Variants in ATAD2 observed in about 807,000 individuals in gnomAD.
ATAD2 encodes ATPase family AAA domain containing 2.
Under a neutral mutation model 168.9 loss-of-function variants are expected in ATAD2, and 62 were observed. The ratio of observed to expected loss-of-function variants is 0.37; its 90% confidence interval spans 0.30 to 0.45. ATAD2 has a LOEUF of 0.45. Ranked by LOEUF, ATAD2 falls within the 20% of genes least tolerant of loss-of-function variation. The pLI is 1.00. For missense variants in ATAD2, 1,419 were observed against 1,667.8 expected (o/e 0.85, Z 2.60); for synonymous variants, 613 against 571.6 (o/e 1.07, Z -1.03).
chr8:123,375,983 G>A (rs1022310003), intron 2 of ATAD2, among the ~76,000 whole-genome samples: 1 of 152,134 alleles, frequency 6.6e-6, no homozygotes, highest in African/African-American at 2.4e-5. Flanking sequence ...GCGGGCACCT[G>A]TAATCCCAGC....
intron 2 of ATAD2, among the ~76,000 whole-genome samples, chr8:123,376,134 A>C (rs1023423934): frequency 1.3e-5 from 2 of 151,248 alleles, no homozygotes; most frequent in African/African-American, 4.9e-5. Context: ...GGCTGGGTGC[A>C]GTAGCTCATG....
chr8:123,338,336 CAGAG>C (rs1374960225), intron 20 of ATAD2, among the ~76,000 whole-genome samples: 1 of 145,006 alleles, frequency 6.9e-6, no homozygotes, highest in Admixed American at 7.1e-5. Context: ...GCCTGGGTGA[CAGAG>C]AGAGACTCCG....
chr8:123,372,749 G>A (rs1829185237), intron 2 of ATAD2, 63 bp from the exon 3 acceptor site: 4 of 1,355,484 alleles, frequency 3.0e-6, no homozygotes, highest in Non-Finnish European at 4.0e-6. Flanking sequence ...TATTTATTTA[G>A]ATGGGATTGC....
chr8:123,382,552 C>G (rs1028990208), intron 1 of ATAD2, among the ~76,000 whole-genome samples: 7 of 152,200 alleles, frequency 4.6e-5, no homozygotes, highest in African/African-American at 2.4e-5. Context: ...TTCATATGTA[C>G]TTTTTCTTAA....
chr8:123,371,587 T>G, intron 4 of ATAD2, 83 bp downstream of exon 4: 1 of 1,270,472 alleles, frequency 7.9e-7, no homozygotes, highest in Non-Finnish European at 1.1e-6. Flanking sequence ...ATTAAATGTT[T>G]GGGCTGGTTG....
chr8:123,349,643 C>G (rs991884076), intron 13 of ATAD2, among the ~76,000 whole-genome samples, 199 bp from the exon 14 acceptor site: 5 of 152,020 alleles, frequency 3.3e-5, no homozygotes, highest in Admixed American at 3.3e-4. Context: ...CAATGGAAAA[C>G]AGACGGTTGT....
intron 13 of ATAD2, among the ~76,000 whole-genome samples, chr8:123,349,973 A>G (rs760158438): frequency 3.3e-5 from 5 of 151,922 alleles, no homozygotes; most frequent in Non-Finnish European, 7.4e-5. Context: ...CCAAGATTGC[A>G]CCACTGCATT....
At chr8:123,374,205 C>G (rs1206474263) in intron 2 of ATAD2, among the ~76,000 whole-genome samples, 1 of 151,960 alleles carries the variant, frequency 6.6e-6, no homozygotes, top group Admixed American at 6.6e-5. Context: ...AACAAGCAAA[C>G]AAAACCAAAA....
intron 19 of ATAD2, among the ~76,000 whole-genome samples, chr8:123,341,012 G>C (rs1299987727): frequency 6.6e-6 from 1 of 150,962 alleles, no homozygotes; most frequent in African/African-American, 2.4e-5. Flanking sequence ...GTGCAATCTC[G>C]ACTCACTGCA....
At chr8:123,361,415 A>T in intron 9 of ATAD2, 124 bp downstream of exon 9, 1 of 637,846 alleles carries the variant, frequency 1.6e-6, no homozygotes, top group Non-Finnish European at 2.8e-6. Flanking sequence ...TCTAGTTTAT[A>T]CATTAACCTG....
Position 123,326,601 on chromosome 8 carries a change from C to T in ATAD2, c.3869-575G>A, listed in dbSNP as rs1024129046. Reference sequence around the variant, plus strand: ...GCTGAGGTTTGAGGATCGTTTGAGCCGAGGAGGCAGAAGTTGCAGTGAGCA... The same window carrying T: ...GCTGAGGTTTGAGGATCGTTTGAGCTGAGGAGGCAGAAGTTGCAGTGAGCA... On this transcript the variant is annotated intron_variant, in intron 25 of 27. Transcript: ENST00000287394. 3.3e-5 allele frequency among the ~76,000 whole-genome samples: 5 copies of T among 151,936 alleles called. No individual in the cohort carries two copies. In the South Asian group the frequency reaches 8.3e-4, roughly 25 times the overall value.
intron 25 of ATAD2, among the ~76,000 whole-genome samples, chr8:123,326,506 T>TA (rs908802498): frequency 2.8e-3 from 389 of 140,566 alleles, no homozygotes; most frequent in Middle Eastern, 7.1e-3. Flanking sequence ...CCCATCTCTT[T>TA]AAAAAAAAAA....
chr8:123,334,170 T>A lies in ATAD2; in HGVS notation c.3334+30A>T, dbSNP rs371016610. On this transcript the variant is annotated intron_variant, in intron 23 of 27. Transcript: ENST00000287394. ...CTGAAATTCATTGATAATATTAGGT[T>A]GGTACAAATCAACCAAATCACTTTC... The A allele has an allele frequency of 5.1e-6, 8 of 1,564,830 alleles. No homozygotes were observed. In the African/African-American group the frequency reaches 1.1e-4, roughly 22 times the overall value.
intron 2 of ATAD2, among the ~76,000 whole-genome samples, chr8:123,379,870 G>A (rs1007835167): frequency 1.5e-5 from 2 of 135,454 alleles, no homozygotes; most frequent in Non-Finnish European, 3.2e-5. Flanking sequence ...GCCCGGCCAC[G>A]TATTATTATT....
intron 22 of ATAD2, among the ~76,000 whole-genome samples, chr8:123,334,786 A>G (rs1344884175): frequency 6.6e-6 from 1 of 152,248 alleles, no homozygotes; most frequent in Non-Finnish European, 1.5e-5. Context: ...CTAAGCTCAG[A>G]GTATGAATAC....
upstream of ATAD2, among the ~76,000 whole-genome samples, chr8:123,398,975 A>G (rs1812962240): frequency 6.6e-6 from 1 of 151,710 alleles, no homozygotes; most frequent in African/African-American, 2.4e-5. Context: ...TTAAAATACT[A>G]TTTATGGCTG....
chr8:123,357,806 C>A, intron 11 of ATAD2, 70 bp from the exon 12 acceptor site: 1 of 1,373,070 alleles, frequency 7.3e-7, no homozygotes, highest in Non-Finnish European at 9.8e-7. Context: ...AAATTAGAAA[C>A]CAATTTCATG....
intron 10 of ATAD2, 93 bp from the exon 11 acceptor site, chr8:123,359,429 C>G (rs1333329831): frequency 6.5e-6 from 8 of 1,229,214 alleles, no homozygotes; most frequent in Non-Finnish European, 9.3e-6. Context: ...GTAATAATAT[C>G]TTAATTGTGA....
chr8:123,403,678 T>C (rs2130025214), intron 1 of ATAD2, among the ~76,000 whole-genome samples: 1 of 152,216 alleles, frequency 6.6e-6, no homozygotes, highest in East Asian at 1.9e-4. Flanking sequence ...TGATTGGCTC[T>C]TTGGTGAGAA....
Sources: allele counts gnomAD v4.1 joint callset (sites outside exome capture counted in the v4.1 genomes callset), GRCh38; gene constraint gnomAD v4.1.1; transcripts MANE v1.5; gene names NCBI Gene and HGNC (gene_info 2026-07-23, HGNC 2026-07-21).